TRPM5: variants seen among roughly 807,000 people sequenced by gnomAD.
The protein encoded by TRPM5 is MLSN1 and TRP-related.
TRPM5 carries 121 observed loss-of-function variants against 124.9 expected under a neutral mutation model. The observed-to-expected ratio is 0.97, with a 90% CI of 0.84 to 1.13. TRPM5 has a LOEUF of 1.13. Ranked by LOEUF, TRPM5 falls within the 50% of genes most tolerant of loss-of-function variation. The probability of loss-of-function intolerance (pLI) is 0.00; values close to 1 mark genes in which losing one functional copy is unlikely to be tolerated. For missense variants in TRPM5, 1,643 were observed against 1,589.1 expected, an observed-to-expected ratio of 1.03 and a Z score of -0.58; for synonymous variants, 781 against 700.5, an observed-to-expected ratio of 1.11 and a Z score of -1.81.
intron 21 of TRPM5, 43 bp from the exon 27 acceptor site, chr11:2,406,134 T>G (rs61873460): frequency 1.2e-6 from 2 of 1,603,636 alleles, no homozygotes; most frequent in Non-Finnish European, 1.7e-6. Flanking sequence ...GGCCACGCGG[T>G]GCTCTGCGTG....
At chr11:2,429,909 T>A in the TRPM5 span, among the ~76,000 whole-genome samples, 2 of 152,030 alleles carry the variant, frequency 1.3e-5, no homozygotes, top group Non-Finnish European at 2.9e-5. The surrounding 1 kb of genome is among the most constrained non-coding windows in gnomAD (Gnocchi z 8.4). Context: ...TCTCATGAGA[T>A]CTGATGGTTT....
the TRPM5 span, among the ~76,000 whole-genome samples, chr11:2,436,139 CT>C: frequency 6.6e-6 from 1 of 152,218 alleles, no homozygotes; most frequent in African/African-American, 2.4e-5. Flanking sequence ...GGCAGGCTGG[CT>C]GAGTCATCCC....
At chr11:2,440,338 C>G in the TRPM5 span, among the ~76,000 whole-genome samples, 3 of 152,118 alleles carry the variant, frequency 2.0e-5, no homozygotes, top group Admixed American at 2.0e-4. The surrounding 1 kb of genome is among the most constrained non-coding windows in gnomAD (Gnocchi z 5.2). Flanking sequence ...AACAGCAGGG[C>G]CTTAAATGGG....
At chr11:2,423,533 G>C (rs1845800786), upstream of TRPM5, among the ~76,000 whole-genome samples, 1 of 152,132 alleles carries the variant, frequency 6.6e-6, no homozygotes, top group Non-Finnish European at 1.5e-5. Context: ...GGTGAGACAG[G>C]TGCCCTCAGC....
intron 19 of TRPM5, 49 bp downstream of exon 24, chr11:2,407,710 T>C (rs1850351735): frequency 6.2e-7 from 1 of 1,600,518 alleles, no homozygotes; most frequent in Non-Finnish European, 8.5e-7. Context: ...AATGACCCTC[T>C]GCTCCCTCCG....
At chr11:2,409,936 T>C (rs1467234872) in intron 18 of TRPM5, among the ~76,000 whole-genome samples, 3 of 152,132 alleles carry the variant, frequency 2.0e-5, no homozygotes, top group African/African-American at 4.8e-5. Flanking sequence ...CAGGCCTGTC[T>C]CCTCATACGA....
At chr11:2,418,461 G>T in intron 5 of TRPM5, 66 bp downstream of exon 10, 1 of 1,561,502 alleles carries the variant, frequency 6.4e-7, no homozygotes, top group South Asian at 1.2e-5. Context: ...TCCCAGGGGT[G>T]CCCAGAACCC....
the TRPM5 span, among the ~76,000 whole-genome samples, chr11:2,442,820 G>T: frequency 3.4e-3 from 521 of 152,242 alleles, 2 homozygotes; most frequent in African/African-American, 0.012. The surrounding 1 kb of genome is among the most constrained non-coding windows in gnomAD (Gnocchi z 5.9). Flanking sequence ...TGTTATAAAT[G>T]AGGTTGAACA....
chr11:2,417,197 A>C (rs1464305979), intron 7 of TRPM5, among the ~76,000 whole-genome samples: 4 of 152,176 alleles, frequency 2.6e-5, no homozygotes, highest in Non-Finnish European at 4.4e-5. Context: ...CACGCCTGTA[A>C]CCTCAGCACT....
intron 7 of TRPM5, among the ~76,000 whole-genome samples, chr11:2,416,346 A>G (rs751110177): frequency 1.6e-4 from 25 of 151,758 alleles, no homozygotes; most frequent in Non-Finnish European, 2.6e-4. Flanking sequence ...GGTCCAGGAC[A>G]CCCTTCCTGG....
At chr11:2,412,026 T>A in intron 16 of TRPM5, 109 bp downstream of exon 21, 2 of 1,044,380 alleles carry the variant, frequency 1.9e-6, no homozygotes, top group South Asian at 2.8e-5. Flanking sequence ...CTCAGCCTCC[T>A]GAGTAGCTGG....
chr11:2,430,017 C>T, the TRPM5 span, among the ~76,000 whole-genome samples: 1 of 149,518 alleles, frequency 6.7e-6, no homozygotes. Flanking sequence ...TTCATCTATC[C>T]TGGTCCTTCC....
chr11:2,404,833 GGTGCCCCCT>G, exon 24 of TRPM5: 2 of 898,180 alleles, frequency 2.2e-6, no homozygotes, highest in Non-Finnish European at 3.5e-6. Flanking sequence ...CTGGGGGGCT[GGTGCCCCCT>G]GGGGGGTTCC....
chr11:2,426,096 C>T (rs1404694708), upstream of TRPM5, among the ~76,000 whole-genome samples: 2 of 152,174 alleles, frequency 1.3e-5, no homozygotes, highest in Non-Finnish European at 2.9e-5. Flanking sequence ...ACCCCCGGGA[C>T]GACCAGCAGC....
At chr11:2,425,401 C>G (rs1274744516), upstream of TRPM5, among the ~76,000 whole-genome samples, 2 of 152,204 alleles carry the variant, frequency 1.3e-5, no homozygotes, top group African/African-American at 2.4e-5. Flanking sequence ...CATGGTCTGC[C>G]TCGCCTGTCT....
chr11:2,441,553 T>C, the TRPM5 span, among the ~76,000 whole-genome samples: 2 of 151,710 alleles, frequency 1.3e-5, no homozygotes, highest in Non-Finnish European at 2.9e-5. This position sits in a 1 kb window ranked among gnomAD's most constrained non-coding sequence, Gnocchi z 7.2. Flanking sequence ...TTGAAGACAA[T>C]CCCTTGTCCA....
At chr11:2,420,549 T>A in intron 3 of TRPM5, 144 bp from the exon 9 acceptor site, 2 of 842,440 alleles carry the variant, frequency 2.4e-6, no homozygotes, top group Non-Finnish European at 3.5e-6. Context: ...TTCCCCACCC[T>A]TCAGACAAAA....
At chr11:2,414,832 C>T in exon 11 of TRPM5, 1 of 1,592,384 alleles carries the variant, frequency 6.3e-7, no homozygotes, top group Non-Finnish European at 8.5e-7. Context: ...GCCACACCTT[C>T]CTGGCCCTAC....
intron 2 of TRPM5, 79 bp downstream of exon 7, chr11:2,422,062 G>A (rs1341334824): frequency 4.1e-5 from 60 of 1,472,268 alleles, no homozygotes; most frequent in African/African-American, 1.5e-5. Context: ...AGCACTGCCT[G>A]TGCCGGGTTG....
Sources: allele counts gnomAD v4.1 joint callset (sites outside exome capture counted in the v4.1 genomes callset), GRCh38; gene constraint gnomAD v4.1.1; non-coding constraint Gnocchi (gnomAD v3.1); transcripts MANE v1.5; gene names NCBI Gene and HGNC (gene_info 2026-07-23, HGNC 2026-07-21).